SPAG16: variants seen among roughly 807,000 people sequenced by gnomAD.
The protein encoded by SPAG16 is sperm associated antigen 16.
In SPAG16, 86 loss-of-function variants were observed where a neutral mutation model predicts 80.4. That is an observed-to-expected ratio of 1.07 (90% CI 0.90 to 1.28). SPAG16 has a LOEUF of 1.28. Ranked by LOEUF, SPAG16 falls within the 50% of genes most tolerant of loss-of-function variation. The pLI, the probability that SPAG16 is intolerant of heterozygous loss-of-function variation, is 0.00. For missense variants in SPAG16, 870 were observed against 765.3 expected, an observed-to-expected ratio of 1.14 and a Z score of -1.61; for synonymous variants, 294 against 265.9, an observed-to-expected ratio of 1.11 and a Z score of -1.03.
intron 10 of SPAG16, among the ~76,000 whole-genome samples, chr2:213,860,273 C>A (rs1320238348): frequency 6.6e-6 from 1 of 151,096 alleles, no homozygotes; most frequent in Admixed American, 6.6e-5. Flanking sequence ...GAAAATATTT[C>A]TATTCAGCTA....
intron 10 of SPAG16, among the ~76,000 whole-genome samples, chr2:213,593,463 T>G (rs2060776689): frequency 6.6e-6 from 1 of 152,164 alleles, no homozygotes; most frequent in South Asian, 2.1e-4. Flanking sequence ...GCCTTATAAG[T>G]TAAAAGTATA....
chr2:213,708,033 T>C (rs1444841353), intron 10 of SPAG16, among the ~76,000 whole-genome samples: 3 of 152,202 alleles, frequency 2.0e-5, no homozygotes, highest in African/African-American at 2.4e-5. Flanking sequence ...TCTACCAAAC[T>C]ATTTTTTTCT....
intron 15 of SPAG16, among the ~76,000 whole-genome samples, chr2:214,271,481 A>G (rs1232813697): frequency 6.6e-6 from 1 of 152,176 alleles, no homozygotes; most frequent in African/African-American, 2.4e-5. Context: ...GAAAATTATG[A>G]CTTCAAACAA....
At chr2:213,924,352 C>T (rs904071266) in intron 11 of SPAG16, among the ~76,000 whole-genome samples, 6 of 152,296 alleles carry the variant, frequency 3.9e-5, no homozygotes, top group Admixed American at 3.3e-4. Flanking sequence ...GCATGAATCT[C>T]CTGGGGAGCT....
At chr2:214,012,313 C>G (rs1273235333) in intron 12 of SPAG16, among the ~76,000 whole-genome samples, 1 of 32,466 alleles carries the variant, frequency 3.1e-5, no homozygotes, top group African/African-American at 1.6e-4. Flanking sequence ...TTTTTTTCCT[C>G]GAGAGGGCAT....
chr2:213,505,891 C>T (rs757981686), intron 10 of SPAG16, among the ~76,000 whole-genome samples: 12 of 151,696 alleles, frequency 7.9e-5, no homozygotes, highest in Non-Finnish European at 1.5e-4. Flanking sequence ...CCATTCCATC[C>T]TTGTTTATAT....
intron 10 of SPAG16, among the ~76,000 whole-genome samples, chr2:213,649,664 T>C (rs552268029): frequency 6.6e-6 from 1 of 152,284 alleles, no homozygotes; most frequent in South Asian, 2.1e-4. Flanking sequence ...AGCCTCAACC[T>C]TCTGAGCTCA....
intron 15 of SPAG16, among the ~76,000 whole-genome samples, chr2:214,229,928 A>C (rs1688573379): frequency 6.6e-6 from 1 of 151,918 alleles, no homozygotes; most frequent in African/African-American, 2.4e-5. Context: ...ATGTTAAACT[A>C]TTCTATTTTT....
At position 214,014,366 on chromosome 2, in the gene SPAG16, C is replaced by A. The variant is rs1202994044; in HGVS notation, c.1527+289C>A. Among the ~76,000 whole-genome samples, 3 of 152,182 alleles carry A rather than the reference C, an allele frequency of 2.0e-5. No homozygotes were observed. In the South Asian group the frequency reaches 6.2e-4, roughly 31 times the overall value. On this transcript the variant is annotated intron_variant, in intron 13 of 15. Coordinates refer to ENST00000331683, the MANE Select transcript of SPAG16 (RefSeq NM_024532.5). ...ATGGGATACAAAAGGGAAATACACA[C>A]TGTGCCCCCTCCTTAAGGATCTTTT...
chr2:213,501,495 T>G (rs2074740248), intron 10 of SPAG16, among the ~76,000 whole-genome samples: 1 of 152,222 alleles, frequency 6.6e-6, no homozygotes, highest in Admixed American at 6.5e-5. Context: ...TAATATTTTC[T>G]TATGCAAAAC....
At chr2:214,143,234 GTTTT>G (rs59910884) in intron 14 of SPAG16, among the ~76,000 whole-genome samples, 16,023 of 113,052 alleles carry the variant, frequency 0.14, 1,006 homozygotes, top group South Asian at 0.28. Context: ...ATAGTTTTGG[GTTTT>G]TTTTTTTTTT....
chr2:213,542,806 T>C (rs1162592320), intron 10 of SPAG16, among the ~76,000 whole-genome samples: 3 of 152,104 alleles, frequency 2.0e-5, no homozygotes, highest in Admixed American at 6.5e-5. Flanking sequence ...TATTTTCTTG[T>C]TTTACTTGAA....
At chr2:214,400,055 T>C (rs1352808157) in intron 15 of SPAG16, among the ~76,000 whole-genome samples, 4 of 152,040 alleles carry the variant, frequency 2.6e-5, no homozygotes, top group Non-Finnish European at 4.4e-5. Context: ...TTTAGGACTT[T>C]AGGTGCATTT....
At chr2:214,339,340 T>G (rs1697507548) in intron 15 of SPAG16, among the ~76,000 whole-genome samples, 1 of 152,272 alleles carries the variant, frequency 6.6e-6, no homozygotes, top group Admixed American at 6.5e-5. Context: ...AGGCACTAGA[T>G]TAAATGATGA....
At chr2:213,869,564 A>G (rs1220446250) in intron 11 of SPAG16, among the ~76,000 whole-genome samples, 2 of 151,216 alleles carry the variant, frequency 1.3e-5, no homozygotes, top group African/African-American at 4.8e-5. Flanking sequence ...AGAGGTGTAT[A>G]TTATGCTTCT....
chr2:214,181,404 T>TCAAGGCATCC (rs1248852136), intron 15 of SPAG16, among the ~76,000 whole-genome samples: 1 of 151,724 alleles, frequency 6.6e-6, no homozygotes, highest in Non-Finnish European at 1.5e-5. Flanking sequence ...GATGGGATTT[T>TCAAGGCATCC]CAAGGCATCC....
chr2:213,913,648 C>CATGTACATATATGTAT (rs2077803840), intron 11 of SPAG16, among the ~76,000 whole-genome samples: 1 of 20,448 alleles, frequency 4.9e-5, no homozygotes, highest in African/African-American at 8.8e-5. Context: ...TGTATATGTA[C>CATGTACATATATGTAT]ATGTACATAT....
intron 11 of SPAG16, among the ~76,000 whole-genome samples, chr2:213,908,121 C>G (rs1575519206): frequency 6.6e-6 from 1 of 152,172 alleles, no homozygotes; most frequent in South Asian, 2.1e-4. Flanking sequence ...CTCTGTAGCA[C>G]ATAAATATGT....
chr2:213,462,634 A>G (rs2072442960), intron 9 of SPAG16, among the ~76,000 whole-genome samples: 5 of 152,166 alleles, frequency 3.3e-5, no homozygotes, highest in Admixed American at 3.3e-4. Flanking sequence ...TTTAATAAGC[A>G]TCTGACATTT....
Sources: gnomAD v4.1 joint callset for allele counts (sites outside exome capture counted in the v4.1 genomes callset) on GRCh38, gnomAD v4.1.1 for gene constraint, MANE v1.5 for transcripts, NCBI Gene and HGNC (gene_info 2026-07-23, HGNC 2026-07-21) for gene names.